Variants in PRKCB observed in about 807,000 individuals in gnomAD.
PRKCB encodes protein kinase C beta type.
A neutral mutation model predicts 81.5 loss-of-function variants in PRKCB; 13 were observed. The ratio of observed to expected loss-of-function variants is 0.16; its 90% confidence interval spans 0.10 to 0.25. PRKCB has a LOEUF of 0.25. Among genes scored for constraint, PRKCB ranks in the 10% least tolerant of loss-of-function variants. The probability of loss-of-function intolerance (pLI) is 1.00; values close to 1 mark genes in which losing one functional copy is unlikely to be tolerated. For synonymous variants in PRKCB, 335 were observed against 321.4 expected (o/e 1.04, Z -0.45); for missense variants, 509 against 875.7 (o/e 0.58, Z 5.29).
At chr16:23,900,852 C>T (rs779866854) in intron 2 of PRKCB, among the ~76,000 whole-genome samples, 13 of 149,900 alleles carry the variant, frequency 8.7e-5, no homozygotes, top group East Asian at 4.0e-4. Context: ...TAACTGTGGA[C>T]ACACATGTGC....
intron 6 of PRKCB, among the ~76,000 whole-genome samples, chr16:24,093,503 G>A (rs1043364845): frequency 6.6e-6 from 1 of 152,178 alleles, no homozygotes; most frequent in Non-Finnish European, 1.5e-5. Flanking sequence ...TGGGTTAAGC[G>A]ATCCGACTTC....
chr16:24,058,684 T>G (rs2141875603), intron 5 of PRKCB, among the ~76,000 whole-genome samples: 1 of 152,302 alleles, frequency 6.6e-6, no homozygotes, highest in African/African-American at 2.4e-5. Context: ...TGAAGGTGCC[T>G]AGGGTTTCTG....
At chr16:24,172,968 C>T (rs1967467243) in intron 11 of PRKCB, among the ~76,000 whole-genome samples, 1 of 152,200 alleles carries the variant, frequency 6.6e-6, no homozygotes. Flanking sequence ...GCTACCATCC[C>T]TGCTTTACAA....
intron 9 of PRKCB, among the ~76,000 whole-genome samples, chr16:24,147,326 C>T (rs893708594): frequency 3.1e-5 from 4 of 128,686 alleles, no homozygotes; most frequent in Non-Finnish European, 5.0e-5. Flanking sequence ...AAAAAAACTT[C>T]ACAGCATATG....
At chr16:24,207,995 G>C (rs1968074205) in intron 16 of PRKCB, 1 of 152,386 alleles carries the variant, frequency 6.6e-6, no homozygotes, top group Non-Finnish European at 1.5e-5. Flanking sequence ...TTGACCAAGT[G>C]TCCAGGAACA....
chr16:24,083,347 T>C (rs1356976319), intron 5 of PRKCB, among the ~76,000 whole-genome samples: 2 of 152,218 alleles, frequency 1.3e-5, no homozygotes, highest in Non-Finnish European at 2.9e-5. Flanking sequence ...GTTATTTATC[T>C]TAAAGAAGTG....
At chr16:24,031,733 C>A (rs1965553291) in intron 3 of PRKCB, among the ~76,000 whole-genome samples, 1 of 152,150 alleles carries the variant, frequency 6.6e-6, no homozygotes, top group African/African-American at 2.4e-5. Context: ...TTGATCACTG[C>A]AGAAGCATGC....
intron 3 of PRKCB, among the ~76,000 whole-genome samples, chr16:24,004,104 T>C (rs900040306): frequency 1.3e-5 from 2 of 152,138 alleles, no homozygotes; most frequent in Non-Finnish European, 2.9e-5. Flanking sequence ...GGAATAAAGA[T>C]AAAAATATGC....
chr16:24,051,171 A>G (rs1298615730), intron 5 of PRKCB, among the ~76,000 whole-genome samples: 14 of 152,218 alleles, frequency 9.2e-5, no homozygotes, highest in Admixed American at 9.2e-4. Context: ...ACTCCATGAA[A>G]GGCCACACAG....
At position 24,174,597 on chromosome 16, in the gene PRKCB, G is replaced by A; in HGVS notation, c.1394+17G>A. On this transcript the variant is annotated intron_variant, in intron 12 of 16. Transcript: ENST00000643927. ...CATTTACCGGTAAGTGAACACTGCT[G>A]TACTTTCCATCTCTTCATCTCCCTC... 3 of 1,601,912 alleles carry A rather than the reference G, an allele frequency of 1.9e-6. No homozygotes were observed. The highest frequency in any genetic ancestry group is 1.1e-5 in the South Asian group (1 of 90,096).
At chr16:24,213,514 T>G (rs914359811) in intron 16 of PRKCB, among the ~76,000 whole-genome samples, 3 of 152,132 alleles carry the variant, frequency 2.0e-5, no homozygotes, top group African/African-American at 7.2e-5. Flanking sequence ...ATTGGGAAGA[T>G]TAAATAAGGT....
intron 5 of PRKCB, among the ~76,000 whole-genome samples, chr16:24,081,297 A>G (rs1966246629): frequency 6.6e-6 from 1 of 152,024 alleles, no homozygotes; most frequent in African/African-American, 2.4e-5. Flanking sequence ...AATTTACCAT[A>G]TTAATAATCT....
chr16:23,900,718 G>GTTTTTGTTTTTTTTTTTTT (rs1963456961), intron 2 of PRKCB, among the ~76,000 whole-genome samples: 1 of 62,234 alleles, frequency 1.6e-5, no homozygotes, highest in African/African-American at 7.0e-5. Context: ...AGCTGCACAG[G>GTTTTTGTTTTTTTTTTTTT]TTTTTTTTTT....
intron 2 of PRKCB, among the ~76,000 whole-genome samples, chr16:23,967,871 T>G (rs1964508042): frequency 6.6e-6 from 1 of 152,248 alleles, no homozygotes; most frequent in African/African-American, 2.4e-5. Flanking sequence ...CAGGTTGGCC[T>G]TGAACTCCTG....
At chr16:23,947,885 C>CTT (rs3073131) in intron 2 of PRKCB, among the ~76,000 whole-genome samples, 35,365 of 124,120 alleles carry the variant, frequency 0.28, 5,259 homozygotes, top group South Asian at 0.43. Context: ...TCTGGAGCCG[C>CTT]TTTTTTTTTT....
intron 9 of PRKCB, among the ~76,000 whole-genome samples, chr16:24,142,533 G>T (rs993452538): frequency 6.6e-6 from 1 of 152,158 alleles, no homozygotes; most frequent in East Asian, 1.9e-4. Flanking sequence ...TCCAGTGAGG[G>T]CCAGGCCTGG....
At chr16:24,025,725 G>T (rs190908837) in intron 3 of PRKCB, among the ~76,000 whole-genome samples, 2 of 152,292 alleles carry the variant, frequency 1.3e-5, no homozygotes, top group Non-Finnish European at 2.9e-5. Flanking sequence ...GTATACATTT[G>T]CTAGGTGAAT....
intron 5 of PRKCB, among the ~76,000 whole-genome samples, chr16:24,075,067 C>CA (rs1305187227): frequency 6.7e-6 from 1 of 148,588 alleles, no homozygotes; most frequent in Non-Finnish European, 1.5e-5. Flanking sequence ...TACAGTGAGT[C>CA]ATGATTGCAC....
At chr16:24,201,340 T>A (rs1344990023) in intron 16 of PRKCB, among the ~76,000 whole-genome samples, 1 of 152,214 alleles carries the variant, frequency 6.6e-6, no homozygotes, top group Non-Finnish European at 1.5e-5. Context: ...TCCCAAACAA[T>A]GCCAGCAGGG....
Sources: allele counts gnomAD v4.1 joint callset (sites outside exome capture counted in the v4.1 genomes callset), GRCh38; gene constraint gnomAD v4.1.1; transcripts MANE v1.5; gene names NCBI Gene and HGNC (gene_info 2026-07-23, HGNC 2026-07-21).